Variants in LDLRAD3 observed in about 807,000 individuals in gnomAD.
LDLRAD3 encodes the protein low density lipoprotein receptor class A domain containing 3, also known as low-density lipoprotein receptor class A domain-containing protein 3.
LDLRAD3 carries 20 observed loss-of-function variants against 29.4 expected under a neutral mutation model. The observed-to-expected ratio is 0.68, with a 90% CI of 0.48 to 0.99. The LOEUF is 0.99. Among genes scored for constraint, LDLRAD3 ranks in the 50% least tolerant of loss-of-function variants. The pLI, the probability that LDLRAD3 is intolerant of heterozygous loss-of-function variation, is 0.00. For synonymous variants in LDLRAD3, 157 were observed against 192.7 expected (o/e 0.81, Z 1.53); for missense variants, 420 against 454.3 (o/e 0.92, Z 0.69).
chr11:36,060,389 A>G (rs1852681271), intron 2 of LDLRAD3, among the ~76,000 whole-genome samples: 2 of 151,970 alleles, frequency 1.3e-5, no homozygotes, highest in African/African-American at 4.8e-5. Flanking sequence ...TATAACTCAC[A>G]ATCAAAGATC....
intron 4 of LDLRAD3, among the ~76,000 whole-genome samples, chr11:36,166,043 A>T (rs1854511058): frequency 1.4e-5 from 2 of 140,242 alleles, no homozygotes; most frequent in African/African-American, 2.7e-5. Context: ...CTCCCATCCT[A>T]GACAGCTTAG....
chr11:36,091,927 A>G (rs529741027), intron 3 of LDLRAD3, among the ~76,000 whole-genome samples: 1 of 152,314 alleles, frequency 6.6e-6, no homozygotes, highest in South Asian at 2.1e-4. Context: ...CTTGTCTACC[A>G]TAGTCCCAAA....
intron 4 of LDLRAD3, among the ~76,000 whole-genome samples, chr11:36,175,866 A>T (rs182205870): frequency 3.5e-4 from 54 of 152,200 alleles, no homozygotes; most frequent in African/African-American, 1.2e-3. Flanking sequence ...TACTTTGCTG[A>T]CTTTCTGTCT....
At chr11:36,150,498 A>G (rs895809697) in intron 4 of LDLRAD3, among the ~76,000 whole-genome samples, 1 of 152,124 alleles carries the variant, frequency 6.6e-6, no homozygotes, top group African/African-American at 2.4e-5. Flanking sequence ...AGTGCACTCC[A>G]GCGTGGGTGG....
intron 4 of LDLRAD3, among the ~76,000 whole-genome samples, chr11:36,123,770 A>G (rs1853794666): frequency 6.6e-6 from 1 of 151,620 alleles, no homozygotes; most frequent in South Asian, 2.1e-4. Context: ...CACAGTGCCG[A>G]CCCCCTGACT....
chr11:35,971,035 A>G (rs1184601251), intron 1 of LDLRAD3, among the ~76,000 whole-genome samples: 1 of 152,146 alleles, frequency 6.6e-6, no homozygotes, highest in Non-Finnish European at 1.5e-5. Context: ...GACCCAGCCC[A>G]TTCTGCAGAG....
At chr11:35,981,744 G>T (rs1173636207) in intron 1 of LDLRAD3, among the ~76,000 whole-genome samples, 10 of 152,290 alleles carry the variant, frequency 6.6e-5, no homozygotes, top group African/African-American at 1.9e-4. Context: ...CTCCCATCAA[G>T]TTGGCATTTC....
intron 1 of LDLRAD3, among the ~76,000 whole-genome samples, chr11:35,952,008 C>T (rs554047317): frequency 3.3e-5 from 5 of 152,266 alleles, no homozygotes; most frequent in Non-Finnish European, 7.3e-5. Flanking sequence ...ATATACCTAC[C>T]CATGCTTTTA....
chr11:36,229,382 C>A lies in LDLRAD3; in HGVS notation c.1023C>A (p.Gly341=), dbSNP rs1196634236. The A allele has an allele frequency of 4.3e-6, 7 of 1,611,140 alleles. No homozygotes were observed. The highest frequency in any genetic ancestry group is 3.4e-6 in the Non-Finnish European group (4 of 1,177,708). The change falls in exon 6 of 6, where the codon GGC becomes GGA. Residue 341 remains glycine (G), a synonymous_variant. Transcript: ENST00000315571. ...AEPRDSEPSQ[G]TEEV ...CCAGGGACTCTGAGCCCAGCCAGGG[C>A]ACTGAAGAAGTATAAGTCCCAGTTA...
intron 4 of LDLRAD3, among the ~76,000 whole-genome samples, chr11:36,100,630 G>A (rs1186712268): frequency 6.6e-6 from 1 of 152,114 alleles, no homozygotes; most frequent in Non-Finnish European, 1.5e-5. Context: ...AGTAGAGATG[G>A]GTTTCACCAT....
intron 4 of LDLRAD3, among the ~76,000 whole-genome samples, chr11:36,169,251 G>A (rs1854561351): frequency 6.6e-6 from 1 of 152,104 alleles, no homozygotes; most frequent in Non-Finnish European, 1.5e-5. Context: ...CAGGGTAATT[G>A]GGATATCCAC....
At chr11:36,099,849 T>C (rs1348269241) in intron 4 of LDLRAD3, among the ~76,000 whole-genome samples, 4 of 152,286 alleles carry the variant, frequency 2.6e-5, no homozygotes, top group South Asian at 4.2e-4. Flanking sequence ...TGGCATAGAC[T>C]TTGCCAAGAT....
intron 2 of LDLRAD3, among the ~76,000 whole-genome samples, chr11:36,073,134 T>C (rs1359475240): frequency 2.6e-5 from 4 of 152,242 alleles, no homozygotes; most frequent in African/African-American, 4.8e-5. Context: ...GCAATTGTAT[T>C]AGTCTTTCCT....
chr11:36,053,422 C>T (rs138584149), intron 2 of LDLRAD3, among the ~76,000 whole-genome samples: 11 of 152,254 alleles, frequency 7.2e-5, no homozygotes, highest in South Asian at 2.1e-4. Flanking sequence ...GAGCGCCTTA[C>T]GTGCTAATGA....
At chr11:36,199,073 TA>T (rs1434946023) in intron 4 of LDLRAD3, among the ~76,000 whole-genome samples, 2 of 152,152 alleles carry the variant, frequency 1.3e-5, no homozygotes, top group Non-Finnish European at 2.9e-5. Context: ...GCTAATTTTT[TA>T]TATTTTTAGT....
chr11:36,016,188 T>G (rs538831282), intron 1 of LDLRAD3, among the ~76,000 whole-genome samples: 3 of 152,314 alleles, frequency 2.0e-5, no homozygotes, highest in African/African-American at 7.2e-5. Flanking sequence ...GGAAGGTGGC[T>G]CATAAGAGCT....
At chr11:36,119,998 C>T (rs1167611536) in intron 4 of LDLRAD3, among the ~76,000 whole-genome samples, 1 of 152,136 alleles carries the variant, frequency 6.6e-6, no homozygotes, top group Non-Finnish European at 1.5e-5. Flanking sequence ...ATTTTGAGTT[C>T]ATATTTATGT....
chr11:35,982,509 G>T (rs750842576), intron 1 of LDLRAD3, among the ~76,000 whole-genome samples: 2 of 152,132 alleles, frequency 1.3e-5, no homozygotes, highest in Non-Finnish European at 2.9e-5. Flanking sequence ...TTAGGACTCC[G>T]GCATACTGTT....
At chr11:36,215,678 G>A (rs1047289195) in intron 4 of LDLRAD3, among the ~76,000 whole-genome samples, 6 of 152,136 alleles carry the variant, frequency 3.9e-5, no homozygotes, top group Non-Finnish European at 8.8e-5. Context: ...GGTCAGGGTC[G>A]TTGTGTTCAG....
Sources: allele counts gnomAD v4.1 joint callset (sites outside exome capture counted in the v4.1 genomes callset), GRCh38; gene constraint gnomAD v4.1.1; transcripts MANE v1.5; gene names NCBI Gene and HGNC (gene_info 2026-07-23, HGNC 2026-07-21).